Variants in SLC27A5 observed in about 807,000 individuals in gnomAD.
The protein encoded by SLC27A5 is solute carrier family 27 member 5.
SLC27A5 carries 47 observed loss-of-function variants against 63.1 expected under a neutral mutation model. That is an observed-to-expected ratio of 0.74 (90% confidence interval 0.59 to 0.95). SLC27A5 has a LOEUF of 0.95. Ranked by LOEUF, SLC27A5 falls within the 40% of genes least tolerant of loss-of-function variation. The pLI, the probability that SLC27A5 is intolerant of heterozygous loss-of-function variation, is 0.00. For synonymous variants in SLC27A5, 391 were observed against 403.8 expected (o/e 0.97, Z 0.38); for missense variants, 940 against 921.0 (o/e 1.02, Z -0.27).
chr19:58,501,339 T>G lies in SLC27A5; in HGVS notation c.1129A>C (p.Thr377Pro), dbSNP rs1262943333. 1 of 1,613,738 alleles carries G rather than the reference T, an allele frequency of 6.2e-7. No individual in the cohort carries two copies. Among genetic ancestry groups the G allele is most frequent in the Non-Finnish European group, 8.5e-7 (1 of 1,179,832 alleles). The change falls in exon 4 of 10, where the codon ACA becomes CCA. Residue 377 changes from threonine (T) to proline (P), a missense_variant. Transcript: ENST00000263093. ...AGCTCGCCCACATACAGGATCACTGTCACGCCATGCTGCCGACAGTCATCC... is the reference window on the plus strand; with the variant it reads ...AGCTCGCCCACATACAGGATCACTGGCACGCCATGCTGCCGACAGTCATCC... ...FWDDCRQHGVTVILYVGELLR... is the reference protein window; with the variant it reads ...FWDDCRQHGVPVILYVGELLR...
At chr19:58,510,365 G>A (rs767373787) in intron 2 of SLC27A5, 2 of 334,238 alleles carry the variant, frequency 6.0e-6, no homozygotes, top group East Asian at 1.2e-4. Flanking sequence ...CCTGAGGTCA[G>A]GGGTTAGAGA....
At position 58,509,916 on chromosome 19, in the gene SLC27A5, C is replaced by A; in HGVS notation, c.988G>T (p.Val330Phe). The A allele has an allele frequency of 6.2e-7, 1 of 1,614,094 alleles. No homozygotes were observed. Among genetic ancestry groups the A allele is most frequent in the South Asian group, 1.1e-5 (1 of 91,080 alleles). Residue 330 changes from valine to phenylalanine, a missense_variant, in exon 3 of 10, where the codon GTT becomes TTT. By Grantham distance (50) the Val-to-Phe change is conservative. Coordinates refer to ENST00000263093, the MANE Select transcript of SLC27A5 (RefSeq NM_012254.3). ...TGGTACAGAGGCAGGACCGTGTAAA[C>A]CACATCATCAGCTGTGGCCCCAGAT... The part of the protein sequence containing the change: ...SLSGATADDV[V>F]YTVLPLYHVM...
Position 58,499,592 on chromosome 19 carries a change from C to T in SLC27A5, c.1567G>A (p.Val523Met), listed in dbSNP as rs138279870. ...ELSERKLVRN[V>M]RQSGDVYYNT... ...TAGTAAACGTCGCCCGATTGCCGCA[C>T]GTTGCGCACCAGCTTCCGTTCCGAC... The change falls in exon 7 of 10, where the codon GTG becomes ATG. Residue 523 changes from valine (V) to methionine (M), a missense_variant. By Grantham distance (21) the Val-to-Met change is conservative. Coordinates refer to ENST00000263093, the MANE Select transcript of SLC27A5 (RefSeq NM_012254.3). 2.6e-5 allele frequency: 42 copies of T among 1,612,990 alleles called. No homozygotes were observed. The highest frequency in any genetic ancestry group is 3.1e-5 in the Non-Finnish European group (37 of 1,180,018).
chr19:58,510,162 G>C, intron 2 of SLC27A5, 157 bp from the exon 3 acceptor site: 1 of 628,110 alleles, frequency 1.6e-6, no homozygotes, highest in Non-Finnish European at 2.6e-6. Flanking sequence ...TTCACAGGCT[G>C]AATTTGGACT....
chr19:58,507,967 A>T (rs2053365735), intron 3 of SLC27A5: 1 of 152,186 alleles, frequency 6.6e-6, no homozygotes, highest in African/African-American at 2.4e-5. Context: ...TATGTGCACC[A>T]CTGAACATAG....
chr19:58,498,985 C>A, intron 8 of SLC27A5, 70 bp from the exon 9 acceptor site: 1 of 1,590,584 alleles, frequency 6.3e-7, no homozygotes. Context: ...CAGCCTCGCC[C>A]AGCTCTGCTC....
Position 58,500,520 on chromosome 19 carries a change from G to C in SLC27A5, c.1369C>G (p.Leu457Val). 6.2e-7 allele frequency: 1 copy of C among 1,613,948 alleles called. No individual in the cohort carries two copies. Among genetic ancestry groups the C allele is most frequent in the Non-Finnish European group, 8.5e-7 (1 of 1,179,970 alleles). The change falls in exon 5 of 10, where the codon CTC (leucine) becomes GTC (valine). Residue 457 changes from leucine to valine, a missense_variant. Transcript: ENST00000263093. Reference protein sequence around the residue: ...RCGALGKMSCLLRMLSPFELV... With the variant: ...RCGALGKMSCVLRMLSPFELV... The stretch of plus-strand genomic sequence containing the variant: ...GGTACCCGCACACTCACTCGGAGGA[G>C]GCAGCTCATCTTGCCCAGGGCCCCG...
At chr19:58,507,086 C>T (rs947261330) in intron 3 of SLC27A5, among the ~76,000 whole-genome samples, 13 of 150,022 alleles carry the variant, frequency 8.7e-5, no homozygotes, top group African/African-American at 2.0e-4. Context: ...TGGCCGGGCG[C>T]GGTGGCTCAT....
chr19:58,509,230 A>T (rs2003104), intron 3 of SLC27A5: 10,639 of 150,770 alleles, frequency 0.071, 821 homozygotes, highest in East Asian at 0.39. Flanking sequence ...TACTAAAACT[A>T]CAAAAATTAG....
In SLC27A5 at chr19:58,511,399, G is replaced by A; in HGVS notation, c.557C>T (p.Pro186Leu). The change falls in exon 1 of 10, where the codon CCA becomes CTA. Residue 186 changes from proline (P) to leucine (L), a missense_variant. Pro to Leu is a moderately conservative substitution (Grantham distance 98). Coordinates refer to ENST00000263093, the MANE Select transcript of SLC27A5 (RefSeq NM_012254.3). ...CAGCCCCAGCCACATACACAGGGCTGGAACGGCCTGGGAAGCCAGCACAAG... is the reference window on the plus strand; with the variant it reads ...CAGCCCCAGCCACATACACAGGGCTAGAACGGCCTGGGAAGCCAGCACAAG... ...ALLVLASQAV[P>L]ALCMWLGLAK... The A allele has an allele frequency of 1.2e-6, 2 of 1,608,410 alleles. No individual in the cohort carries two copies. Among genetic ancestry groups the A allele is most frequent in the East Asian group, 2.2e-5 (1 of 44,726 alleles).
At chr19:58,511,069 A>T in intron 1 of SLC27A5, 139 bp from the exon 2 acceptor site, 3 of 919,620 alleles carry the variant, frequency 3.3e-6, no homozygotes, top group Non-Finnish European at 4.7e-6. Context: ...GAATCCCATC[A>T]TTAGTATTTT....
At chr19:58,499,762 G>A in intron 6 of SLC27A5, 72 bp from the exon 7 acceptor site, 1 of 1,457,316 alleles carries the variant, frequency 6.9e-7, no homozygotes, top group Non-Finnish European at 9.4e-7. Context: ...TTTCAACAAC[G>A]GTGGACTCTT....
chr19:58,504,287 T>C (rs2122506075), intron 3 of SLC27A5, among the ~76,000 whole-genome samples: 1 of 152,298 alleles, frequency 6.6e-6, no homozygotes, highest in African/African-American at 2.4e-5. Flanking sequence ...ATGTTAGAGA[T>C]ATGTACTGCA....
chr19:58,500,970 T>C, intron 4 of SLC27A5: 1 of 1,348,390 alleles, frequency 7.4e-7, no homozygotes, highest in Non-Finnish European at 9.5e-7. Context: ...ATCTGGGGTC[T>C]CACCTAAGAG....
At chr19:58,503,938 C>T (rs1437864287) in intron 3 of SLC27A5, among the ~76,000 whole-genome samples, 2 of 152,052 alleles carry the variant, frequency 1.3e-5, no homozygotes, top group Non-Finnish European at 2.9e-5. Context: ...CAGGGCGAAA[C>T]CCTGTCTTTA....
chr19:58,509,801 C>G, intron 3 of SLC27A5, 46 bp downstream of exon 3: 2 of 1,550,722 alleles, frequency 1.3e-6, no homozygotes, highest in Non-Finnish European at 8.7e-7. Context: ...CCGACACTTA[C>G]TCCCGTGGTC....
intron 3 of SLC27A5, among the ~76,000 whole-genome samples, chr19:58,502,746 G>T (rs1158510434): frequency 2.0e-5 from 3 of 150,378 alleles, no homozygotes; most frequent in African/African-American, 5.0e-5. Flanking sequence ...TGGACAGTTA[G>T]AGTAGTGAGT....
At chr19:58,510,049 C>A in intron 2 of SLC27A5, 44 bp from the exon 3 acceptor site, 1 of 1,592,534 alleles carries the variant, frequency 6.3e-7, no homozygotes, top group South Asian at 1.1e-5. Flanking sequence ...GACATGACAG[C>A]ACAGAGAGGG....
chr19:58,510,369 T>C (rs939176298), intron 2 of SLC27A5: 8 of 328,778 alleles, frequency 2.4e-5, no homozygotes, highest in African/African-American at 1.7e-4. Context: ...AGGTCAGGGG[T>C]TAGAGACCAG....
Sources: gnomAD v4.1 joint callset for allele counts (sites outside exome capture counted in the v4.1 genomes callset) on GRCh38, gnomAD v4.1.1 for gene constraint, MANE v1.5 for transcripts, NCBI Gene and HGNC (gene_info 2026-07-23, HGNC 2026-07-21) for gene names.